The following METTL15 variants were observed in gnomAD, a reference collection of about 807,000 sequenced individuals.
METTL15 encodes methyltransferase 15, mitochondrial 12S rRNA N4-cytidine.
METTL15 carries 34 observed loss-of-function variants against 38.3 expected under a neutral mutation model. The observed-to-expected ratio is 0.89, with a 90% CI of 0.68 to 1.18. The LOEUF (loss-of-function observed/expected upper bound fraction) is 1.18, where lower values mean the gene tolerates loss of function less well. Ranked by LOEUF, METTL15 falls within the 50% of genes most tolerant of loss-of-function variation. The pLI is 0.00. For synonymous variants in METTL15, 162 were observed against 170.9 expected (o/e 0.95, Z 0.41); for missense variants, 438 against 498.4 (o/e 0.88, Z 1.15).
chr11:28,315,583 A>G (rs1350747449), intron 6 of METTL15, among the ~76,000 whole-genome samples: 1 of 152,236 alleles, frequency 6.6e-6, no homozygotes, highest in Non-Finnish European at 1.5e-5. Context: ...GACTGCAGAA[A>G]TTTGCATAAG....
In METTL15 at chr11:28,341,788, A is replaced by C. The variant is rs182601406; in HGVS notation, c.*190-10302A>C. ...GAGTTTGTATTGGACATGCCAGTGT[A>C]CTCTCCACTTCTGGAGTGGACTCTT... is the stretch of plus-strand genomic sequence containing the variant. On this transcript the variant is annotated intron_variant and NMD_transcript_variant, in intron 3 of 7. Transcript: ENST00000532947. Among the ~76,000 whole-genome samples, 4 of 152,130 alleles carry C rather than the reference A, an allele frequency of 2.6e-5. No individual in the cohort carries two copies. In the East Asian group the frequency reaches 7.7e-4, roughly 29 times the overall value.
chr11:28,186,085 G>A lies in METTL15; in HGVS notation c.271-24977G>A, dbSNP rs187706538. Reference sequence around the variant, plus strand: ...GGGTTTGGGGTTCTAATGAACAAATGAAAGGTTAGGCCATAGAAACTGTTT... The same window carrying A: ...GGGTTTGGGGTTCTAATGAACAAATAAAAGGTTAGGCCATAGAAACTGTTT... On this transcript the variant is annotated intron_variant, in intron 3 of 6. Coordinates refer to ENST00000407364, the MANE Select transcript of METTL15 (RefSeq NM_001113528.2). Among the ~76,000 whole-genome samples the A allele has an allele frequency of 1.3e-4, 20 of 151,124 alleles. No homozygotes were observed. The East Asian group carries it at 3.9e-3, about 29-fold the overall frequency.
intron 5 of METTL15, among the ~76,000 whole-genome samples, chr11:28,381,258 C>A (rs934694292): frequency 6.6e-6 from 1 of 152,100 alleles, no homozygotes; most frequent in African/African-American, 2.4e-5. Flanking sequence ...CTTAGCCTCC[C>A]AAGTTGCTGG....
At chr11:28,470,916 G>A (rs1474874458) in intron 6 of METTL15, among the ~76,000 whole-genome samples, 1 of 151,996 alleles carries the variant, frequency 6.6e-6, no homozygotes, top group Non-Finnish European at 1.5e-5. Flanking sequence ...ATCTACTTTG[G>A]TTTAACCACA....
chr11:28,394,234 CAT>C (rs1850545164), intron 5 of METTL15, among the ~76,000 whole-genome samples: 1 of 151,954 alleles, frequency 6.6e-6, no homozygotes, highest in African/African-American at 2.4e-5. Context: ...GGCTCTATGA[CAT>C]ATAAGAGTTC....
At chr11:28,201,610 GGTGT>G (rs71050951) in intron 3 of METTL15, among the ~76,000 whole-genome samples, 1 of 145,558 alleles carries the variant, frequency 6.9e-6, no homozygotes, top group Admixed American at 6.8e-5. Context: ...GTCTTGGGAG[GGTGT>G]GTGTGTGTGT....
chr11:28,291,537 C>G (rs1162948279), intron 5 of METTL15, among the ~76,000 whole-genome samples: 1 of 152,076 alleles, frequency 6.6e-6, no homozygotes, highest in Non-Finnish European at 1.5e-5. Context: ...GCCTTTTTCC[C>G]TATGTTGTGA....
At chr11:28,491,474 G>C (rs1371807198) in intron 6 of METTL15, among the ~76,000 whole-genome samples, 1 of 152,086 alleles carries the variant, frequency 6.6e-6, no homozygotes, top group Non-Finnish European at 1.5e-5. Flanking sequence ...GGTCTAGGCA[G>C]AGCCAATAGC....
intron 6 of METTL15, among the ~76,000 whole-genome samples, chr11:28,458,512 C>T (rs12274444): frequency 0.42 from 64,233 of 151,970 alleles, 14,979 homozygotes; most frequent in Admixed American, 0.54. Flanking sequence ...AACACCACTG[C>T]TCTGAGAGAT....
At chr11:28,433,798 T>C (rs1476055099) in intron 6 of METTL15, among the ~76,000 whole-genome samples, 2 of 152,148 alleles carry the variant, frequency 1.3e-5, no homozygotes, top group South Asian at 2.1e-4. Context: ...CATCTACAAC[T>C]AGACTCTACA....
intron 5 of METTL15, among the ~76,000 whole-genome samples, chr11:28,392,871 A>T (rs1320598349): frequency 6.6e-6 from 1 of 152,154 alleles, no homozygotes. Context: ...TCCAAAGAAG[A>T]TATACAAATG....
chr11:28,122,753 T>G (rs578107785), intron 3 of METTL15, among the ~76,000 whole-genome samples: 1 of 152,026 alleles, frequency 6.6e-6, no homozygotes, highest in East Asian at 1.9e-4. Flanking sequence ...ATAATTCTCT[T>G]TATTTGAATT....
At chr11:28,130,948 A>G (rs1852744732) in intron 3 of METTL15, among the ~76,000 whole-genome samples, 1 of 152,200 alleles carries the variant, frequency 6.6e-6, no homozygotes, top group African/African-American at 2.4e-5. Flanking sequence ...CTCCTTCATG[A>G]ATAGACACTG....
chr11:28,471,076 C>G (rs1323021723), intron 6 of METTL15, among the ~76,000 whole-genome samples: 1 of 152,086 alleles, frequency 6.6e-6, no homozygotes, highest in African/African-American at 2.4e-5. Context: ...ACAGACATCA[C>G]CTGGGGCTAG....
intron 6 of METTL15, among the ~76,000 whole-genome samples, chr11:28,458,856 G>A (rs186660192): frequency 6.6e-6 from 1 of 152,206 alleles, no homozygotes; most frequent in Non-Finnish European, 1.5e-5. Flanking sequence ...AAGAAAGGAA[G>A]AATGTCGATT....
chr11:28,275,424 A>G (rs1855804951), intron 4 of METTL15, among the ~76,000 whole-genome samples: 1 of 152,010 alleles, frequency 6.6e-6, no homozygotes, highest in Admixed American at 6.6e-5. Flanking sequence ...GATATCCTGA[A>G]CAGACCAGTA....
intron 6 of METTL15, among the ~76,000 whole-genome samples, chr11:28,445,732 G>C (rs1220972535): frequency 1.3e-5 from 2 of 152,024 alleles, no homozygotes; most frequent in African/African-American, 4.8e-5. Flanking sequence ...ACTCACTGCA[G>C]CCTCAACCTC....
intron 6 of METTL15, among the ~76,000 whole-genome samples, chr11:28,441,319 TA>T (rs1205357097): frequency 1.3e-5 from 2 of 152,074 alleles, no homozygotes; most frequent in East Asian, 3.9e-4. Context: ...TAGATTAGGT[TA>T]AATATGTTAT....
intron 6 of METTL15, among the ~76,000 whole-genome samples, chr11:28,325,106 C>G (rs948050421): frequency 6.6e-6 from 1 of 152,120 alleles, no homozygotes; most frequent in African/African-American, 2.4e-5. Context: ...AGCTCTGACT[C>G]TCTCTCTCTT....
Sources: allele counts gnomAD v4.1 joint callset (sites outside exome capture counted in the v4.1 genomes callset), GRCh38; gene constraint gnomAD v4.1.1; transcripts MANE v1.5; gene names NCBI Gene and HGNC (gene_info 2026-07-23, HGNC 2026-07-21).